The following NPAS3 variants were observed in gnomAD, a reference collection of about 807,000 sequenced individuals.
NPAS3 encodes neuronal PAS domain-containing protein 3.
In NPAS3, 14 loss-of-function variants were observed where a neutral mutation model predicts 73.1. The observed-to-expected ratio is 0.19, with a 90% CI of 0.13 to 0.30. NPAS3 has a LOEUF of 0.30. Ranked by LOEUF, NPAS3 falls within the 10% of genes least tolerant of loss-of-function variation. The probability of loss-of-function intolerance (pLI) is 1.00; values close to 1 mark genes in which losing one functional copy is unlikely to be tolerated. For synonymous variants in NPAS3, 620 were observed against 541.5 expected (o/e 1.14, Z -2.01); for missense variants, 1,096 against 1,250.0 (o/e 0.88, Z 1.86).
intron 4 of NPAS3, among the ~76,000 whole-genome samples, chr14:33,395,967 C>G (rs1164231271): frequency 6.6e-6 from 1 of 152,120 alleles, no homozygotes; most frequent in Non-Finnish European, 1.5e-5. Flanking sequence ...CCTCCTAGTT[C>G]TGGATGAGTA....
intron 3 of NPAS3, among the ~76,000 whole-genome samples, chr14:33,265,971 C>G (rs570953807): frequency 6.6e-6 from 1 of 150,754 alleles, no homozygotes; most frequent in South Asian, 2.1e-4. Flanking sequence ...TATGTATATG[C>G]ACTTATTTAT....
At chr14:33,643,016 G>T (rs930520293) in intron 5 of NPAS3, among the ~76,000 whole-genome samples, 1 of 151,992 alleles carries the variant, frequency 6.6e-6, no homozygotes, top group Non-Finnish European at 1.5e-5. Context: ...ATCTCCTCTC[G>T]CAATAATCTT....
chr14:33,209,436 A>G (rs2046950273), intron 2 of NPAS3, among the ~76,000 whole-genome samples: 1 of 152,152 alleles, frequency 6.6e-6, no homozygotes, highest in African/African-American at 2.4e-5. Context: ...TTTCCCTGGG[A>G]AGGCTCCTCA....
chr14:33,724,394 G>T (rs2140565766), intron 6 of NPAS3, among the ~76,000 whole-genome samples: 1 of 152,244 alleles, frequency 6.6e-6, no homozygotes, highest in South Asian at 2.1e-4. Flanking sequence ...AGCACTTTGG[G>T]AGACCAAGGC....
chr14:33,388,947 A>G (rs941532146), intron 4 of NPAS3, among the ~76,000 whole-genome samples: 2 of 152,054 alleles, frequency 1.3e-5, no homozygotes, highest in African/African-American at 4.8e-5. Context: ...CTTCACTGCT[A>G]TTTTCATCAT....
chr14:33,144,965 T>C (rs1257642086), intron 2 of NPAS3, among the ~76,000 whole-genome samples: 2 of 152,134 alleles, frequency 1.3e-5, no homozygotes, highest in Non-Finnish European at 2.9e-5. Flanking sequence ...ATTATTGTTA[T>C]CATACTTGAA....
At chr14:33,062,704 C>A (rs901750226) in intron 2 of NPAS3, among the ~76,000 whole-genome samples, 12 of 152,184 alleles carry the variant, frequency 7.9e-5, no homozygotes, top group African/African-American at 2.9e-4. Context: ...GGTGTAGCAC[C>A]ACAACGAGCC....
chr14:33,110,948 A>T (rs927757), intron 2 of NPAS3, among the ~76,000 whole-genome samples: 2 of 151,916 alleles, frequency 1.3e-5, no homozygotes, highest in Non-Finnish European at 2.9e-5. Flanking sequence ...GAAACAAGAG[A>T]GAGGTTGGGA....
chr14:33,160,593 A>G (rs1351256313), intron 2 of NPAS3, among the ~76,000 whole-genome samples: 2 of 151,840 alleles, frequency 1.3e-5, no homozygotes, highest in African/African-American at 4.8e-5. Context: ...ATACATATGT[A>G]ACAAACCTGC....
chr14:33,706,732 C>A (rs73258904), intron 6 of NPAS3, among the ~76,000 whole-genome samples: 2,286 of 152,250 alleles, frequency 0.015, 60 homozygotes, highest in African/African-American at 0.052. Flanking sequence ...TTATTGTTCA[C>A]CCCATTTCCA....
intron 7 of NPAS3, 44 bp downstream of exon 7, chr14:33,735,376 T>C (rs1024102946): frequency 5.2e-6 from 7 of 1,339,636 alleles, no homozygotes; most frequent in Non-Finnish European, 7.5e-6. Context: ...CTCAGGCCAG[T>C]CCTAGGTAAT....
chr14:33,132,791 ACTTTAGAAG>A (rs1021179154), intron 2 of NPAS3, among the ~76,000 whole-genome samples: 2 of 152,188 alleles, frequency 1.3e-5, no homozygotes, highest in African/African-American at 2.4e-5. Flanking sequence ...GATGGTAGTG[ACTTTAGAAG>A]CAAATTGGGG....
intron 7 of NPAS3, among the ~76,000 whole-genome samples, chr14:33,741,025 C>T (rs1013043713): frequency 3.0e-4 from 45 of 152,098 alleles, no homozygotes; most frequent in African/African-American, 1.1e-3. Flanking sequence ...GAGGTATGCC[C>T]AGCACTAATG....
At chr14:33,131,126 C>A (rs1211167272) in intron 2 of NPAS3, among the ~76,000 whole-genome samples, 1 of 152,044 alleles carries the variant, frequency 6.6e-6, no homozygotes, top group Non-Finnish European at 1.5e-5. Context: ...GTCTACATAC[C>A]AGGTTCTGTG....
chr14:33,004,492 A>T (rs1316779007), intron 1 of NPAS3, among the ~76,000 whole-genome samples: 1 of 152,160 alleles, frequency 6.6e-6, no homozygotes, highest in Non-Finnish European at 1.5e-5. Flanking sequence ...CTGTGAATGG[A>T]GCTTGCAGGA....
At chr14:33,011,836 G>C (rs17099881) in intron 1 of NPAS3, among the ~76,000 whole-genome samples, 89,766 of 151,996 alleles carry the variant, frequency 0.59, 27,887 homozygotes, top group Non-Finnish European at 0.7. Context: ...ATTGAGATGG[G>C]CTGCCCAAGG....
At chr14:33,297,865 T>C (rs2042367164) in intron 3 of NPAS3, among the ~76,000 whole-genome samples, 1 of 152,220 alleles carries the variant, frequency 6.6e-6, no homozygotes, top group African/African-American at 2.4e-5. Context: ...ACTTCACCTA[T>C]TCCAAGTTTT....
intron 4 of NPAS3, among the ~76,000 whole-genome samples, chr14:33,500,717 A>G (rs2139908751): frequency 6.6e-6 from 1 of 152,098 alleles, no homozygotes; most frequent in East Asian, 1.9e-4. Flanking sequence ...GTGGGCTCTC[A>G]CTTTCTGAGG....
intron 6 of NPAS3, among the ~76,000 whole-genome samples, chr14:33,700,487 G>A (rs1043541428): frequency 2.6e-5 from 4 of 152,210 alleles, no homozygotes; most frequent in African/African-American, 9.6e-5. Context: ...TAAATGAAAA[G>A]GCAGAGAGGA....
Sources: gnomAD v4.1 joint callset for allele counts (sites outside exome capture counted in the v4.1 genomes callset) on GRCh38, gnomAD v4.1.1 for gene constraint, MANE v1.5 for transcripts, NCBI Gene and HGNC (gene_info 2026-07-23, HGNC 2026-07-21) for gene names.